Variants in PEX3 observed in about 807,000 individuals in gnomAD.
The protein encoded by PEX3 is peroxisomal biogenesis factor 3.
Under a neutral mutation model 55.8 loss-of-function variants are expected in PEX3, and 30 were observed. The observed-to-expected ratio is 0.54, with a 90% CI of 0.40 to 0.73. PEX3 has a LOEUF of 0.73. Among genes scored for constraint, PEX3 ranks in the 30% least tolerant of loss-of-function variants. PEX3 has a pLI of 0.00. For synonymous variants in PEX3, 135 were observed against 148.4 expected (o/e 0.91, Z 0.66); for missense variants, 351 against 432.8 (o/e 0.81, Z 1.68).
Position 143,476,591 on chromosome 6 carries a change from G to T in PEX3, c.818+1735G>T, listed in dbSNP as rs1036694500. 3.9e-5 allele frequency among the ~76,000 whole-genome samples: 6 copies of T among 152,164 alleles called. No individual in the cohort carries two copies. Among genetic ancestry groups the T allele is most frequent in the Non-Finnish European group, 7.4e-5 (5 of 68,024 alleles). On this transcript the variant is annotated intron_variant, in intron 9 of 11. Coordinates refer to ENST00000367591, the MANE Select transcript of PEX3 (RefSeq NM_003630.3). This position sits in a 1 kb window ranked among gnomAD's most constrained non-coding sequence, Gnocchi z 5.4. Reference sequence around the variant, plus strand: ...GGCAATAACAAGTGGCTAAATAATAGATTTATTTTTAAGGTTGAACCAGTA... The same window carrying T: ...GGCAATAACAAGTGGCTAAATAATATATTTATTTTTAAGGTTGAACCAGTA...
Position 143,466,569 on chromosome 6 carries a change from T to C in PEX3, c.288-1553T>C, listed in dbSNP as rs182133220. Among the ~76,000 whole-genome samples the C allele has an allele frequency of 1.3e-5, 2 of 152,146 alleles. No individual in the cohort carries two copies. Among genetic ancestry groups the C allele is most frequent in the East Asian group, 3.9e-4 (2 of 5,188 alleles). ...AAACTTTAACATAGGTATATATGTA[T>C]AGGATAAAACATAGTATATGTAGGG... On this transcript the variant is annotated intron_variant, in intron 3 of 11. Transcript: ENST00000367591. The surrounding 1 kb of genome is among the most constrained non-coding windows in gnomAD (Gnocchi z 5.4).
In PEX3 at chr6:143,474,861, GTA is replaced by G. The variant is rs1780129953; in HGVS notation, c.818+8_818+9del. 1 of 1,492,320 alleles carries G rather than the reference GTA, an allele frequency of 6.7e-7. No homozygotes were observed. The highest frequency in any genetic ancestry group is 9.4e-7 in the Non-Finnish European group (1 of 1,069,258). The allele number at this position is 1,492,320 out of a possible 1,614,324, so 92.4% of individuals were successfully genotyped here. A position where few individuals can be genotyped will look rare whatever the true frequency, so the allele number is the denominator to read the frequency against. On this transcript the variant is annotated splice_donor_region_variant and intron_variant, in intron 9 of 11. Coordinates refer to ENST00000367591, the MANE Select transcript of PEX3 (RefSeq NM_003630.3). Reference sequence around the variant, plus strand: ...AACTAGAGACATGTTGGAAAGGTATGTATACTTCATGTAGCAGGAAAAATATG... The same window carrying G: ...AACTAGAGACATGTTGGAAAGGTATGTACTTCATGTAGCAGGAAAAATATG...
chr6:143,455,466 C>T (rs1366951968), intron 1 of PEX3, among the ~76,000 whole-genome samples: 1 of 149,426 alleles, frequency 6.7e-6, no homozygotes, highest in Non-Finnish European at 1.5e-5. Context: ...CCGCCCACCT[C>T]GGCCTCCCAA....
chr6:143,468,803 C>CG (rs1323364470), intron 4 of PEX3, among the ~76,000 whole-genome samples: 1 of 13,308 alleles, frequency 7.5e-5, no homozygotes, highest in Non-Finnish European at 1.7e-4. Flanking sequence ...TAATGCTATC[C>CG]CCCCCCCCCC....
rs1384064737 is a variant in PEX3, at chr6:143,475,918, G to T, written c.818+1062G>T. On this transcript the variant is annotated intron_variant, in intron 9 of 11. Coordinates refer to ENST00000367591, the MANE Select transcript of PEX3 (RefSeq NM_003630.3). This position sits in a 1 kb window ranked among gnomAD's most constrained non-coding sequence, Gnocchi z 4.4. ...TTCATCAACTATGTATTGGCTGTCT[G>T]TGGTATATTAGGTACTGTTCTAAAT... 6.6e-6 allele frequency among the ~76,000 whole-genome samples: 1 copy of T among 152,238 alleles called. No homozygotes were observed. The highest frequency in any genetic ancestry group is 1.5e-5 in the Non-Finnish European group (1 of 68,042).
At position 143,489,069 on chromosome 6, in the gene PEX3, G is replaced by A. The variant is rs1584020527; in HGVS notation, c.1039-74G>A. The A allele has an allele frequency of 4.1e-6, 4 of 987,476 alleles. No homozygotes were observed. Among genetic ancestry groups the A allele is most frequent in the East Asian group, 2.4e-5 (1 of 41,350 alleles). The allele number at this position is 987,476 out of a possible 1,614,324, so 61.2% of individuals were successfully genotyped here. A position where few individuals can be genotyped will look rare whatever the true frequency, so the allele number is the denominator to read the frequency against. On this transcript the variant is annotated intron_variant, in intron 11 of 11. Transcript: ENST00000367591. The surrounding 1 kb of genome is among the most constrained non-coding windows in gnomAD (Gnocchi z 5.5). ...CACAAAACTTAGAGCTGAATTCATC[G>A]CTTGATTGCAGAAATTAATTCAAAT...
Position 143,490,321 on chromosome 6 carries a change from T to G in PEX3, c.*1095T>G, listed in dbSNP as rs1780369573. The G allele has an allele frequency of 6.5e-6, 1 of 153,412 alleles. No homozygotes were observed. The highest frequency in any genetic ancestry group is 6.5e-5 in the Admixed American group (1 of 15,292). The allele number at this position is 153,412 out of a possible 1,614,324, so 9.5% of individuals were successfully genotyped here. A position where few individuals can be genotyped will look rare whatever the true frequency, so the allele number is the denominator to read the frequency against. Reference sequence around the variant, plus strand: ...ATATATTTTCAGTAACATTGTTTTATGTTCCTCCAGCGTAACATGTAGCTG... The same window carrying G: ...ATATATTTTCAGTAACATTGTTTTAGGTTCCTCCAGCGTAACATGTAGCTG... On this transcript the variant is annotated 3_prime_UTR_variant, in exon 12 of 12. Coordinates refer to ENST00000367591, the MANE Select transcript of PEX3 (RefSeq NM_003630.3). The surrounding 1 kb of genome is among the most constrained non-coding windows in gnomAD (Gnocchi z 6.0).
chr6:143,457,526 G>A (rs1779863478), intron 1 of PEX3, among the ~76,000 whole-genome samples: 1 of 152,176 alleles, frequency 6.6e-6, no homozygotes, highest in Non-Finnish European at 1.5e-5. Flanking sequence ...TTCAGGATAT[G>A]TATTTGTTTT....
chr6:143,472,617 C>T (rs1427318439), intron 8 of PEX3, among the ~76,000 whole-genome samples: 1 of 152,042 alleles, frequency 6.6e-6, no homozygotes, highest in African/African-American at 2.4e-5. Flanking sequence ...GTTCATTACA[C>T]CTGGGGAACT....
rs750498713 is a variant in PEX3 at position 143,471,334 on chromosome 6, T to C, written c.457-49T>C. 2 of 1,328,260 alleles carry C rather than the reference T, an allele frequency of 1.5e-6. No individual in the cohort carries two copies. Among genetic ancestry groups the C allele is most frequent in the Admixed American group, 3.4e-5 (2 of 58,840 alleles). 82.3% of individuals were successfully genotyped at this position (1,328,260 alleles called of 1,614,324 possible). A position where few individuals can be genotyped will look rare whatever the true frequency, so the allele number is the denominator to read the frequency against. ...AAGTTTTATTGAAAACATTTCTTAT[T>C]TACCAGTTTAAAACTTGGATAATTG... On this transcript the variant is annotated intron_variant, in intron 5 of 11. Transcript: ENST00000367591. This position sits in a 1 kb window ranked among gnomAD's most constrained non-coding sequence, Gnocchi z 5.4.
In PEX3 at chr6:143,489,826, T is replaced by C. The variant is rs1289840547; in HGVS notation, c.*600T>C. On this transcript the variant is annotated 3_prime_UTR_variant, in exon 12 of 12. Transcript: ENST00000367591. This position sits in a 1 kb window ranked among gnomAD's most constrained non-coding sequence, Gnocchi z 5.5. ...GTTCTTTGCTATTTCTTCACTATAT[T>C]TTTTAAGGTTTTATTAAAAAGCCTT... 3 of 152,096 alleles carry C rather than the reference T, an allele frequency of 2.0e-5. No individual in the cohort carries two copies. The highest frequency in any genetic ancestry group is 4.8e-5 in the African/African-American group (2 of 41,446). 9.4% of individuals were successfully genotyped at this position (152,096 alleles called of 1,614,324 possible).
intron 10 of PEX3, among the ~76,000 whole-genome samples, chr6:143,481,072 C>T (rs1315812960): frequency 2.2e-5 from 3 of 135,690 alleles, no homozygotes; most frequent in African/African-American, 5.4e-5. Context: ...ATATTATTTA[C>T]GTGTATTATA....
chr6:143,469,041 A>G (rs147456889), intron 4 of PEX3, among the ~76,000 whole-genome samples: 1 of 152,186 alleles, frequency 6.6e-6, no homozygotes, highest in East Asian at 1.9e-4. Flanking sequence ...TCCTTGGTGT[A>G]TATGTGCCAC....
rs1455796328 is a variant in PEX3 at position 143,486,056 on chromosome 6, A to C, written c.1038+808A>C. Among the ~76,000 whole-genome samples, 3 of 152,126 alleles carry C rather than the reference A, an allele frequency of 2.0e-5. No homozygotes were observed. The highest frequency in any genetic ancestry group is 6.6e-5 in the Admixed American group (1 of 15,252). On this transcript the variant is annotated intron_variant, in intron 11 of 11. Coordinates refer to ENST00000367591, the MANE Select transcript of PEX3 (RefSeq NM_003630.3). The surrounding 1 kb of genome is among the most constrained non-coding windows in gnomAD (Gnocchi z 5.0). The stretch of plus-strand genomic sequence containing the variant: ...AGACTTTTTACTCTTGGGAACGTGG[A>C]GAGCACTGAGACTAAGAGTTCGTTT...
In PEX3 at chr6:143,479,390, G is replaced by A. The variant is rs2294505; in HGVS notation, c.941+192G>A. ...CTTCTTGGTTTCAGTATTAAAACTT[G>A]GAGTCTTCCAGAAACTTTGCCACTA... On this transcript the variant is annotated intron_variant, in intron 10 of 11. Transcript: ENST00000367591. This position sits in a 1 kb window ranked among gnomAD's most constrained non-coding sequence, Gnocchi z 4.6. Among the ~76,000 whole-genome samples, 32,442 of 151,772 alleles carry A rather than the reference G, an allele frequency of 0.21. 3,561 individuals carry two copies. The highest frequency in any genetic ancestry group is 0.22 in the Non-Finnish European group (14,964 of 67,844).
chr6:143,472,047 C>G, intron 7 of PEX3, 113 bp from the exon 8 acceptor site: 1 of 753,650 alleles, frequency 1.3e-6, no homozygotes, highest in Non-Finnish European at 2.3e-6. Flanking sequence ...TCAGCAGTTA[C>G]AGGTGTAAGC....
chr6:143,457,256 G>A (rs1779859486), intron 1 of PEX3, among the ~76,000 whole-genome samples: 1 of 152,144 alleles, frequency 6.6e-6, no homozygotes, highest in Non-Finnish European at 1.5e-5. Flanking sequence ...ATGTAAGTCA[G>A]TTTCCTTTGT....
chr6:143,484,706 A>T (rs887079849), intron 10 of PEX3, among the ~76,000 whole-genome samples: 3 of 152,242 alleles, frequency 2.0e-5, no homozygotes, highest in Non-Finnish European at 4.4e-5. Context: ...CAGTGATTTC[A>T]TGTTTATACA....
chr6:143,480,282 C>T (rs1453205976), intron 10 of PEX3, among the ~76,000 whole-genome samples: 2 of 152,028 alleles, frequency 1.3e-5, no homozygotes, highest in African/African-American at 2.4e-5. Context: ...AAAATTTCAC[C>T]ATAATCTGTA....
Sources: allele counts gnomAD v4.1 joint callset (sites outside exome capture counted in the v4.1 genomes callset), GRCh38; gene constraint gnomAD v4.1.1; non-coding constraint Gnocchi (gnomAD v3.1); transcripts MANE v1.5; gene names NCBI Gene and HGNC (gene_info 2026-07-23, HGNC 2026-07-21).